Variants in GRIN2D observed in about 807,000 individuals in gnomAD.
GRIN2D encodes glutamate receptor ionotropic, NMDA 2D.
Under a neutral mutation model 103.2 loss-of-function variants are expected in GRIN2D, and 37 were observed. The observed-to-expected ratio is 0.36, with a 90% confidence interval of 0.28 to 0.47. GRIN2D has a LOEUF of 0.47. Ranked by LOEUF, GRIN2D falls within the 20% of genes least tolerant of loss-of-function variation. GRIN2D has a pLI of 1.00. For synonymous variants in GRIN2D, 845 were observed against 885.6 expected, an observed-to-expected ratio of 0.95 and a Z score of 0.81; for missense variants, 1,557 against 1,910.6, an observed-to-expected ratio of 0.81 and a Z score of 3.45.
intron 11 of GRIN2D, among the ~76,000 whole-genome samples, chr19:48,427,595 C>T (rs1020430925): frequency 6.8e-6 from 1 of 148,026 alleles, no homozygotes; most frequent in Non-Finnish European, 1.5e-5. Context: ...TTCTCTGCCT[C>T]AGCCTCCTGA....
At chr19:48,408,360 G>A (rs926351024) in intron 4 of GRIN2D, among the ~76,000 whole-genome samples, 3 of 151,032 alleles carry the variant, frequency 2.0e-5, no homozygotes, top group East Asian at 2.0e-4. Flanking sequence ...AAATCTGGGC[G>A]TGGTAGTGTG....
Position 48,414,782 on chromosome 19 carries a change from A to C in GRIN2D, c.1413-82A>C, listed in dbSNP as rs1205790798. Reference sequence around the variant, plus strand: ...CTAACCATAGTTTTAGCTGCCGCCTATCCCTTCCTCCATATCCTCTCTTCA... The same window carrying C: ...CTAACCATAGTTTTAGCTGCCGCCTCTCCCTTCCTCCATATCCTCTCTTCA... On this transcript the variant is annotated intron_variant, in intron 6 of 13. Transcript: ENST00000263269. The surrounding 1 kb of genome is among the most constrained non-coding windows in gnomAD (Gnocchi z 4.6). The C allele has an allele frequency of 6.8e-7, 1 of 1,462,250 alleles. No individual in the cohort carries two copies. The highest frequency in any genetic ancestry group is 9.4e-7 in the Non-Finnish European group (1 of 1,065,918). The allele number at this position is 1,462,250 out of a possible 1,614,324, so 90.6% of individuals were successfully genotyped here.
chr19:48,440,143 G>A (rs1296560952), intron 11 of GRIN2D, among the ~76,000 whole-genome samples: 2 of 151,992 alleles, frequency 1.3e-5, no homozygotes, highest in Non-Finnish European at 2.9e-5. Flanking sequence ...CCTGGGAGGT[G>A]GAGGTTGCAG....
intron 4 of GRIN2D, among the ~76,000 whole-genome samples, chr19:48,409,151 C>G (rs1174248428): frequency 1.3e-5 from 2 of 152,016 alleles, no homozygotes; most frequent in Non-Finnish European, 2.9e-5. Flanking sequence ...CAAGCAAACC[C>G]ACTCCTGCAA....
At chr19:48,397,495 A>G (rs1970657600) in intron 2 of GRIN2D, among the ~76,000 whole-genome samples, 1 of 145,460 alleles carries the variant, frequency 6.9e-6, no homozygotes, top group Non-Finnish European at 1.5e-5. Context: ...GCCTCCCTCA[A>G]TCTCAATTGT....
At chr19:48,432,681 A>G (rs1243167687) in intron 11 of GRIN2D, among the ~76,000 whole-genome samples, 3 of 149,576 alleles carry the variant, frequency 2.0e-5, no homozygotes, top group Non-Finnish European at 4.4e-5. Flanking sequence ...CTGCTCTTGA[A>G]CTCCTAGGAT....
intron 8 of GRIN2D, among the ~76,000 whole-genome samples, chr19:48,418,758 G>C (rs1030859791): frequency 6.6e-6 from 1 of 152,182 alleles, no homozygotes; most frequent in Non-Finnish European, 1.5e-5. Context: ...GCTGGTCTGG[G>C]CTCAGCATGG....
intron 2 of GRIN2D, among the ~76,000 whole-genome samples, chr19:48,397,005 C>T (rs543641659): frequency 1.3e-5 from 2 of 152,228 alleles, no homozygotes; most frequent in Non-Finnish European, 2.9e-5. Context: ...CCACCCCAGG[C>T]GGCTAGTATT....
rs765264979 is a variant in GRIN2D at position 48,442,319 on chromosome 19, C to T, written c.2610C>T (p.Tyr870=). Residue 870 remains tyrosine, a synonymous_variant, in exon 13 of 14, where the codon TAC becomes TAT. Coordinates refer to ENST00000263269, the MANE Select transcript of GRIN2D (RefSeq NM_000836.4). This position sits in a 1 kb window ranked among gnomAD's most constrained non-coding sequence, Gnocchi z 7.2. ...TCTTCGCCTGGGAGCACCTGGTGTA[C>T]TGGCGCCTGCGGCACTGCCTGGGGC... ...LLVFAWEHLV[Y]WRLRHCLGPT... The T allele has an allele frequency of 5.6e-6, 9 of 1,613,954 alleles. No individual in the cohort carries two copies. The highest frequency in any genetic ancestry group is 8.5e-7 in the Non-Finnish European group (1 of 1,180,020).
At chr19:48,437,031 C>G (rs1049658972) in intron 11 of GRIN2D, among the ~76,000 whole-genome samples, 12 of 152,138 alleles carry the variant, frequency 7.9e-5, no homozygotes, top group African/African-American at 2.9e-4. Flanking sequence ...TGGGAACAAA[C>G]AAGAAAGAAA....
At chr19:48,402,696 C>A (rs1465987913) in intron 3 of GRIN2D, among the ~76,000 whole-genome samples, 4 of 130,122 alleles carry the variant, frequency 3.1e-5, no homozygotes, top group African/African-American at 1.2e-4. Context: ...CGCAGTCCGG[C>A]CTGGGCGACA....
At chr19:48,412,882 A>G (rs144740134) in intron 4 of GRIN2D, among the ~76,000 whole-genome samples, 190 of 145,740 alleles carry the variant, frequency 1.3e-3, no homozygotes, top group African/African-American at 4.5e-3. Context: ...TGTAATCCCA[A>G]CACTTTGGGA....
At position 48,414,832 on chromosome 19, in the gene GRIN2D, C is replaced by T. The variant is rs1223385215; in HGVS notation, c.1413-32C>T. 6.2e-7 allele frequency: 1 copy of T among 1,609,782 alleles called. No homozygotes were observed. ...ATGAGAGAGTCTAAGGAGGGGGTCC[C>T]CAAACTCCCCAAGCCTGGTCACTGC... On this transcript the variant is annotated intron_variant, in intron 6 of 13. Transcript: ENST00000263269. This position sits in a 1 kb window ranked among gnomAD's most constrained non-coding sequence, Gnocchi z 4.6.
intron 7 of GRIN2D, 35 bp from the exon 8 acceptor site, chr19:48,415,967 G>A (rs759470823): frequency 3.8e-6 from 6 of 1,592,794 alleles, no homozygotes; most frequent in Non-Finnish European, 4.3e-6. Context: ...CTTGAGCCGG[G>A]TTCCCCCGCC....
chr19:48,417,316 A>G (rs1481077888), intron 8 of GRIN2D, among the ~76,000 whole-genome samples: 1 of 152,172 alleles, frequency 6.6e-6, no homozygotes, highest in Non-Finnish European at 1.5e-5. Context: ...GGTTTATGCC[A>G]GAGACAGAGT....
In GRIN2D at chr19:48,420,071, G is replaced by C. The variant is rs1446079991; in HGVS notation, c.2091+257G>C. On this transcript the variant is annotated intron_variant, in intron 10 of 13. Transcript: ENST00000263269. ...GGTGTCCCTGAATGTTCTAGGGGCA[G>C]TTGTGTCAAATAGGATATTCTAGAA... Among the ~76,000 whole-genome samples the C allele has an allele frequency of 2.6e-5, 4 of 152,240 alleles. No homozygotes were observed. In the East Asian group the frequency reaches 7.7e-4, roughly 29 times the overall value.
At chr19:48,403,072 GC>G (rs1437467399) in intron 3 of GRIN2D, among the ~76,000 whole-genome samples, 6 of 151,966 alleles carry the variant, frequency 3.9e-5, no homozygotes, top group African/African-American at 4.8e-5. Flanking sequence ...GGTGGCATGT[GC>G]CTGTAATCCC....
chr19:48,410,460 G>A (rs537506075), intron 4 of GRIN2D, among the ~76,000 whole-genome samples: 3 of 143,986 alleles, frequency 2.1e-5, no homozygotes, highest in Admixed American at 7.2e-5. Context: ...CCCAGGAGAC[G>A]GAGGTTGCAG....
intron 4 of GRIN2D, among the ~76,000 whole-genome samples, chr19:48,410,823 A>T (rs1348879336): frequency 6.6e-6 from 1 of 152,110 alleles, no homozygotes; most frequent in Admixed American, 6.6e-5. Flanking sequence ...GCCCCAGGCC[A>T]GGAAGAAGGA....
Sources: gnomAD v4.1 joint callset for allele counts (sites outside exome capture counted in the v4.1 genomes callset) on GRCh38, gnomAD v4.1.1 for gene constraint, Gnocchi (gnomAD v3.1) non-coding constraint, MANE v1.5 for transcripts, NCBI Gene and HGNC (gene_info 2026-07-23, HGNC 2026-07-21) for gene names.